TYW3: variants seen among roughly 807,000 people sequenced by gnomAD.
TYW3 encodes tRNA wybutosine-synthesizing protein 3 homolog.
TYW3 carries 26 observed loss-of-function variants against 23.1 expected under a neutral mutation model. The ratio of observed to expected loss-of-function variants is 1.13; its 90% CI spans 0.83 to 1.56. TYW3 has a LOEUF of 1.56. TYW3 is among the 40% of genes most tolerant of loss of function. The probability of loss-of-function intolerance (pLI) is 0.00; values close to 1 mark genes in which losing one functional copy is unlikely to be tolerated. For missense variants in TYW3, 316 were observed against 311.9 expected (o/e 1.01, Z -0.10); for synonymous variants, 102 against 105.7 (o/e 0.97, Z 0.21).
chr1:74,765,720 C>G lies in TYW3; in HGVS notation c.*1607C>G, dbSNP rs1269567234. On this transcript the variant is annotated 3_prime_UTR_variant, in exon 6 of 6. Transcript: ENST00000370867. ...TCCTGTGGTGAAATGACAACACATT[C>G]TGCAGTTTTAAAATCTAAGAGGCTC... 1 of 152,062 alleles carries G rather than the reference C, an allele frequency of 6.6e-6. No homozygotes were observed. The highest frequency in any genetic ancestry group is 1.5e-5 in the Non-Finnish European group (1 of 67,990). 9.4% of individuals were successfully genotyped at this position (152,062 alleles called of 1,614,324 possible). A position where few individuals can be genotyped will look rare whatever the true frequency, so the allele number is the denominator to read the frequency against.
intron 5 of TYW3, among the ~76,000 whole-genome samples, chr1:74,756,007 G>A (rs1044971900): frequency 3.3e-5 from 5 of 152,114 alleles, no homozygotes; most frequent in African/African-American, 4.8e-5. Flanking sequence ...AACGGGAGTC[G>A]CCCTGCACAA....
intron 1 of TYW3, among the ~76,000 whole-genome samples, chr1:74,735,896 GT>G (rs913820835): frequency 1.3e-5 from 2 of 152,174 alleles, no homozygotes; most frequent in African/African-American, 4.8e-5. Context: ...CCCCTTTCCA[GT>G]GTCCTTGAGG....
intron 3 of TYW3, among the ~76,000 whole-genome samples, chr1:74,746,950 G>T (rs1648583975): frequency 6.6e-6 from 1 of 152,192 alleles, no homozygotes; most frequent in East Asian, 1.9e-4. Flanking sequence ...CAAAAATAAA[G>T]AAGTTGATGC....
At chr1:74,740,191 T>C (rs1648302766) in intron 3 of TYW3, among the ~76,000 whole-genome samples, 1 of 152,162 alleles carries the variant, frequency 6.6e-6, no homozygotes, top group Admixed American at 6.5e-5. Flanking sequence ...TTCCTTCCAG[T>C]GGGTTCGTGG....
intron 1 of TYW3, chr1:74,736,286 G>A (rs1226505365): frequency 1.1e-5 from 3 of 275,722 alleles, no homozygotes; most frequent in Non-Finnish European, 1.4e-5. Flanking sequence ...TTTTTTTCTT[G>A]CAAAATCATG....
intron 3 of TYW3, among the ~76,000 whole-genome samples, chr1:74,747,543 A>G (rs1203074418): frequency 2.0e-5 from 3 of 150,196 alleles, no homozygotes; most frequent in Admixed American, 1.3e-4. Flanking sequence ...AGGCTGAGGC[A>G]GGAGAATGGC....
At chr1:74,747,930 T>C (rs936502389) in intron 3 of TYW3, among the ~76,000 whole-genome samples, 1 of 152,038 alleles carries the variant, frequency 6.6e-6, no homozygotes, top group African/African-American at 2.4e-5. Flanking sequence ...CATATATACA[T>C]ATATGTGTGT....
rs906818732 is a variant in TYW3 at position 74,766,388 on chromosome 1, A to C, written c.*2275A>C. The stretch of plus-strand genomic sequence containing the variant: ...CCCCTGAAGACCTTCCAGTGGTACA[A>C]GATGTGGAGGAGGAAGACAGTGATA... On this transcript the variant is annotated 3_prime_UTR_variant, in exon 6 of 6. Transcript: ENST00000370867. 3 of 152,114 alleles carry C rather than the reference A, an allele frequency of 2.0e-5. No individual in the cohort carries two copies. The highest frequency in any genetic ancestry group is 4.8e-5 in the African/African-American group (2 of 41,430). The allele number at this position is 152,114 out of a possible 1,614,324, so 9.4% of individuals were successfully genotyped here.
chr1:74,763,942 CT>C lies in TYW3; in HGVS notation c.611del (p.Leu204TyrfsTer45), dbSNP rs1455788367. ...HALERETMTN[L>X]HPKIKEKNNS... is the part of the protein sequence containing the mutation. The stretch of plus-strand genomic sequence containing the variant: ...CTTTGGAAAGGGAAACGATGACTAA[CT>C]TACATCCCAAGATCAAAGAGAAAAA... On this transcript the variant is annotated frameshift_variant, in exon 6 of 6. Coordinates refer to ENST00000370867, the MANE Select transcript of TYW3 (RefSeq NM_138467.3). LOFTEE classifies it low-confidence loss of function (END_TRUNC). 6.2e-7 allele frequency: 1 copy of C among 1,607,320 alleles called. No individual in the cohort carries two copies. Among genetic ancestry groups the C allele is most frequent in the Non-Finnish European group, 8.5e-7 (1 of 1,178,360 alleles).
At chr1:74,745,358 G>A (rs1210032874) in intron 3 of TYW3, among the ~76,000 whole-genome samples, 2 of 152,174 alleles carry the variant, frequency 1.3e-5, no homozygotes, top group African/African-American at 2.4e-5. Flanking sequence ...CTGCTGATTG[G>A]TCCATTTTAC....
In TYW3 at chr1:74,748,823, G is replaced by C; in HGVS notation, c.426+1G>C. The C allele has an allele frequency of 6.2e-7, 1 of 1,613,774 alleles. No homozygotes were observed. ...GGGAAAGAGAGGAAAAACTATGTTG[G>C]TAAGATATTTTGTCAAAGAGTAATT... On this transcript the variant is annotated splice_donor_variant, in intron 4 of 5. Coordinates refer to ENST00000370867, the MANE Select transcript of TYW3 (RefSeq NM_138467.3). LOFTEE classifies it high-confidence loss of function.
At chr1:74,738,856 C>T in intron 3 of TYW3, 68 bp downstream of exon 3, 2 of 1,160,436 alleles carry the variant, frequency 1.7e-6, no homozygotes, top group Non-Finnish European at 2.5e-6. Context: ...AAGCTTTTAA[C>T]CTGCTATAAA....
intron 3 of TYW3, among the ~76,000 whole-genome samples, chr1:74,745,346 T>G (rs1031132387): frequency 6.6e-6 from 1 of 152,190 alleles, no homozygotes; most frequent in Admixed American, 6.5e-5. Flanking sequence ...CCCACCCACA[T>G]CCTGCTGATT....
rs1331191026 is a variant in TYW3 at position 74,740,198 on chromosome 1, G to A, written c.354+1410G>A. 2.0e-5 allele frequency among the ~76,000 whole-genome samples: 3 copies of A among 152,270 alleles called. No individual in the cohort carries two copies. The East Asian group carries it at 5.8e-4, about 29-fold the overall frequency. On this transcript the variant is annotated intron_variant, in intron 3 of 5. Coordinates refer to ENST00000370867, the MANE Select transcript of TYW3 (RefSeq NM_138467.3). ...GGAGTTTCTTCCTTCCAGTGGGTTC[G>A]TGGTCTTGCTGACTTCAGGAGTGAA...
In TYW3 at chr1:74,747,681, C is replaced by T. The variant is rs184511666; in HGVS notation, c.355-1070C>T. Among the ~76,000 whole-genome samples the T allele has an allele frequency of 2.0e-3, 294 of 150,270 alleles. 2 individuals are homozygous for T. Among genetic ancestry groups the T allele is most frequent in the African/African-American group, 6.9e-3 (283 of 40,866 alleles). Reference sequence around the variant, plus strand: ...AGAAAAAAAGAAAAGAAAAGAAAGACTGGATGTGAGTATGTATACATATGT... The same window carrying T: ...AGAAAAAAAGAAAAGAAAAGAAAGATTGGATGTGAGTATGTATACATATGT... On this transcript the variant is annotated intron_variant, in intron 3 of 5. Coordinates refer to ENST00000370867, the MANE Select transcript of TYW3 (RefSeq NM_138467.3).
chr1:74,739,520 A>T (rs754825631), intron 3 of TYW3, among the ~76,000 whole-genome samples: 1 of 152,274 alleles, frequency 6.6e-6, no homozygotes, highest in Admixed American at 6.5e-5. Flanking sequence ...AGAGCTAGGC[A>T]TGTAGCTGGG....
At chr1:74,752,574 G>T in intron 5 of TYW3, 149 bp downstream of exon 5, 1 of 748,558 alleles carries the variant, frequency 1.3e-6, no homozygotes, top group Non-Finnish European at 2.0e-6. Flanking sequence ...ATAATAAAAA[G>T]ATGATCAAAG....
chr1:74,742,501 G>C (rs1399639670), intron 3 of TYW3, among the ~76,000 whole-genome samples: 1 of 152,164 alleles, frequency 6.6e-6, no homozygotes, highest in African/African-American at 2.4e-5. Context: ...TAACCTCTTG[G>C]AGGGGGTTGT....
Position 74,738,696 on chromosome 1 carries a change from G to A in TYW3, c.262G>A (p.Ala88Thr). 6.2e-7 allele frequency: 1 copy of A among 1,604,524 alleles called. No individual in the cohort carries two copies. Among genetic ancestry groups the A allele is most frequent in the Non-Finnish European group, 8.5e-7 (1 of 1,173,066 alleles). ...KLCVKDDVIV[A>T]LKKANGDATL... ...CCACTGTTCATTTATTTAGATTGTA[G>A]CTCTGAAGAAAGCAAATGGTGATGC... Residue 88 changes from alanine (A) to threonine (T), a missense_variant, in exon 3 of 6, where the codon GCT (alanine) becomes ACT (threonine). Physicochemically the swap from Ala to Thr is moderately conservative, Grantham distance 58. Transcript: ENST00000370867.
Sources: gnomAD v4.1 joint callset for allele counts (sites outside exome capture counted in the v4.1 genomes callset) on GRCh38, gnomAD v4.1.1 for gene constraint, MANE v1.5 for transcripts, NCBI Gene and HGNC (gene_info 2026-07-23, HGNC 2026-07-21) for gene names.